The following BAZ2A variants were observed in gnomAD, a reference collection of about 807,000 sequenced individuals.
BAZ2A encodes bromodomain adjacent to zinc finger domain 2A.
A neutral mutation model predicts 199.9 loss-of-function variants in BAZ2A; 34 were observed. The observed-to-expected ratio is 0.17, with a 90% CI of 0.13 to 0.23. BAZ2A has a LOEUF of 0.23. BAZ2A is among the 10% of genes least tolerant of loss of function. BAZ2A has a pLI of 1.00. For missense variants in BAZ2A, 2,002 were observed against 2,391.1 expected (o/e 0.84, Z 3.39); for synonymous variants, 857 against 883.9 (o/e 0.97, Z 0.54).
chr12:56,623,398 G>A (rs889375913), intron 1 of BAZ2A, among the ~76,000 whole-genome samples: 3 of 152,134 alleles, frequency 2.0e-5, no homozygotes, highest in Non-Finnish European at 4.4e-5. Flanking sequence ...GCTGGATACT[G>A]CAGTGGTCCC....
In BAZ2A at chr12:56,617,630, ACT is replaced by A; in HGVS notation, c.-2-100_-2-99del. ...GGGCAATGACCCCTCCCCTCCACCT[ACT>A]TACCCTTCTCCTACCTAAGTACTGT... On this transcript the variant is annotated intron_variant, in intron 1 of 28. Coordinates refer to ENST00000549884, the MANE Select transcript of BAZ2A (RefSeq NM_001300905.2). 5 of 1,328,856 alleles carry A rather than the reference ACT, an allele frequency of 3.8e-6. No individual in the cohort carries two copies. The South Asian group carries it at 6.0e-5, about 16-fold the overall frequency. The allele number at this position is 1,328,856 out of a possible 1,614,324, so 82.3% of individuals were successfully genotyped here.
chr12:56,616,707 T>C (rs1215272761), intron 2 of BAZ2A, among the ~76,000 whole-genome samples: 1 of 152,092 alleles, frequency 6.6e-6, no homozygotes, highest in Non-Finnish European at 1.5e-5. Flanking sequence ...GAGGGAGAAG[T>C]AGCAGGATTT....
At chr12:56,620,823 T>G (rs992406895) in intron 1 of BAZ2A, among the ~76,000 whole-genome samples, 3 of 152,046 alleles carry the variant, frequency 2.0e-5, no homozygotes, top group African/African-American at 7.2e-5. Context: ...GGCCTCCCAA[T>G]GTGCTGGGAT....
At chr12:56,609,228 C>T (rs1425917359) in intron 10 of BAZ2A, among the ~76,000 whole-genome samples, 12 of 151,878 alleles carry the variant, frequency 7.9e-5, no homozygotes, top group African/African-American at 2.9e-4. Context: ...GGTTGGAATG[C>T]AATAACACAA....
At chr12:56,626,914 A>G (rs958658519) in intron 1 of BAZ2A, among the ~76,000 whole-genome samples, 69 of 152,234 alleles carry the variant, frequency 4.5e-4, no homozygotes, top group Non-Finnish European at 8.8e-5. Context: ...AATCAGGGGC[A>G]AGAAAAAGGA....
intron 7 of BAZ2A, 94 bp downstream of exon 7, chr12:56,611,479 C>G: frequency 7.7e-7 from 1 of 1,297,850 alleles, no homozygotes; most frequent in East Asian, 2.3e-5. Flanking sequence ...GCCCATTCCT[C>G]CCCCACCTCA....
At chr12:56,622,213 A>C (rs1312433349) in intron 1 of BAZ2A, among the ~76,000 whole-genome samples, 1 of 151,806 alleles carries the variant, frequency 6.6e-6, no homozygotes, top group Non-Finnish European at 1.5e-5. Flanking sequence ...GGTGGCGGGC[A>C]CCTGTAATCC....
rs1407516993 is a variant in BAZ2A, at chr12:56,598,752, C to A, written c.5578G>T (p.Ala1860Ser). ...TGGCAGTTGTCAAATACCAGGAGGG[C>A]ATCAGCCGCAAACTCCTCTGAGCTG... ...YTSSEEFAADALLVFDNCQTF... is the reference protein window; with the variant it reads ...YTSSEEFAADSLLVFDNCQTF... The change falls in exon 29 of 29, where the codon GCC (alanine) becomes TCC (serine). Residue 1860 changes from alanine (A) to serine (S), a missense_variant. Physicochemically the swap from Ala to Ser is moderately conservative, Grantham distance 99. Transcript: ENST00000549884. 6.2e-7 allele frequency: 1 copy of A among 1,612,692 alleles called. No individual in the cohort carries two copies. The highest frequency in any genetic ancestry group is 1.7e-5 in the Admixed American group (1 of 59,786).
rs745965414 is a variant in BAZ2A, at chr12:56,598,625, T to C, written c.5705A>G (p.Asn1902Ser). The change falls in exon 29 of 29, where the codon AAT (asparagine) becomes AGT (serine). Residue 1902 changes from asparagine (N) to serine (S), a missense_variant. By Grantham distance (46) the Asn-to-Ser change is conservative (BLOSUM62 1). Around this residue, in one of 6 missense-constraint regions of BAZ2A, gnomAD observed 76 missense variants for 139.3 expected, o/e 0.55. Coordinates refer to ENST00000549884, the MANE Select transcript of BAZ2A (RefSeq NM_001300905.2). ...WEEFYQGKQANL is the reference protein window; with the variant it reads ...WEEFYQGKQASL ...CTCCCCACCTCCCTTGCCTCACAGA[T>C]TGGCCTGTTTTCCCTGATAAAACTC... 1.1e-5 allele frequency: 18 copies of C among 1,613,518 alleles called. No individual in the cohort carries two copies. The highest frequency in any genetic ancestry group is 2.7e-5 in the African/African-American group (2 of 75,032).
chr12:56,620,563 C>CTTTTTTTTTTTT (rs11367195), intron 1 of BAZ2A, among the ~76,000 whole-genome samples: 4,125 of 143,406 alleles, frequency 0.029, 212 homozygotes, highest in African/African-American at 0.1. Context: ...CCAGGATTTC[C>CTTTTTTTTTTTT]TTTTTTTTTT....
rs746017529 is a variant in BAZ2A, at chr12:56,601,952, T to C, written c.3665A>G (p.Glu1222Gly). 1 of 1,568,846 alleles carries C rather than the reference T, an allele frequency of 6.4e-7. No homozygotes were observed. Among genetic ancestry groups the C allele is most frequent in the South Asian group, 1.2e-5 (1 of 86,788 alleles). The change falls in exon 20 of 29, where the codon GAG becomes GGG. Residue 1222 changes from glutamate (E) to glycine (G), a missense_variant. Physicochemically the swap from Glu to Gly is moderately conservative, Grantham distance 98. This residue lies in a region of BAZ2A where 1,081 missense variants were observed against 1,274.7 expected (regional missense o/e 0.85). Coordinates refer to ENST00000549884, the MANE Select transcript of BAZ2A (RefSeq NM_001300905.2). ...SEQPQAQLQP[E>G]AQLHAPAQPQ... ...CTGGGCAGGAGCATGAAGCTGAGCC[T>C]CAGGCTGAAGCTGGGCCTGGGGCTG...
rs768109273 is a variant in BAZ2A, at chr12:56,600,990, T to C, written c.4403A>G (p.Asn1468Ser). The change falls in exon 22 of 29, where the codon AAC becomes AGC. Residue 1468 changes from asparagine to serine, a missense_variant. By Grantham distance (46) the Asn-to-Ser change is conservative. Transcript: ENST00000549884. ...TTCCTGCAAGAAGTCCCTGTGCTTG[T>C]TAAGGTGTTTGTGAAGTGCCTTCTC... Reference protein sequence around the residue: ...IREKALHKHLNKHRDFLQEVC... With the variant: ...IREKALHKHLSKHRDFLQEVC... 8.1e-6 allele frequency: 13 copies of C among 1,612,802 alleles called. No homozygotes were observed. In the Middle Eastern group the frequency reaches 4.9e-4, roughly 61 times the overall value.
In BAZ2A at chr12:56,612,133, T is replaced by G; in HGVS notation, c.1249A>C (p.Ile417Leu). Residue 417 changes from isoleucine to leucine, a missense_variant, in exon 6 of 29, where the codon ATT becomes CTT. Around this residue, in one of 6 missense-constraint regions of BAZ2A, gnomAD observed 641 missense variants for 694.5 expected, o/e 0.92. Transcript: ENST00000549884. ...TQPAPDQSSTIQLHPATSPAV... is the reference protein window; with the variant it reads ...TQPAPDQSSTLQLHPATSPAV... ...GGTGAGGTTGCTGGATGTAGCTGAA[T>G]AGTGGATGACTGATCAGGAGCTGGC... The G allele has an allele frequency of 6.2e-7, 1 of 1,613,908 alleles. No individual in the cohort carries two copies. Among genetic ancestry groups the G allele is most frequent in the Non-Finnish European group, 8.5e-7 (1 of 1,179,862 alleles).
chr12:56,638,075 G>A (rs1951483959), upstream of BAZ2A: 1 of 419,008 alleles, frequency 2.4e-6, no homozygotes. Context: ...TTAGAGACCA[G>A]TCTTGGCAAC....
At position 56,599,771 on chromosome 12, in the gene BAZ2A, A is replaced by G; in HGVS notation, c.5103T>C (p.Ile1701=). ...CCTCCATCTTGGGACGATGGCAGTA[A>G]ATGTGGCAGCCACGGTCACACCCAT... ...LCDGCDRGCH[I]YCHRPKMEAV... is the part of the protein sequence containing the mutation. The change falls in exon 26 of 29, where the codon ATT becomes ATC. Residue 1701 remains isoleucine, a synonymous_variant. Transcript: ENST00000549884. The G allele has an allele frequency of 6.2e-7, 1 of 1,614,006 alleles. No homozygotes were observed. Among genetic ancestry groups the G allele is most frequent in the Non-Finnish European group, 8.5e-7 (1 of 1,179,882 alleles).
intron 2 of BAZ2A, among the ~76,000 whole-genome samples, chr12:56,616,448 C>G (rs1018608546): frequency 6.6e-6 from 1 of 152,148 alleles, no homozygotes; most frequent in East Asian, 1.9e-4. Context: ...GTCACCACAG[C>G]GACAAGAACC....
rs1951435653 is a variant in BAZ2A, at chr12:56,635,842, G to C, written c.4+340C>G. 6.6e-6 allele frequency among the ~76,000 whole-genome samples: 1 copy of C among 152,184 alleles called. No homozygotes were observed. Among genetic ancestry groups the C allele is most frequent in the Non-Finnish European group, 1.5e-5 (1 of 68,012 alleles). On this transcript the variant is annotated intron_variant, in intron 1 of 29. Coordinates refer to the BAZ2A transcript ENST00000379441. The surrounding 1 kb of genome is among the most constrained non-coding windows in gnomAD (Gnocchi z 4.1). ...ACTGCCAAAAGCCGGCTTTACTTTT[G>C]TGGGGGCTAGCAGTGAGTACTGTCA...
intron 1 of BAZ2A, among the ~76,000 whole-genome samples, chr12:56,620,461 A>G (rs1238848016): frequency 6.6e-6 from 1 of 152,146 alleles, no homozygotes; most frequent in East Asian, 1.9e-4. Flanking sequence ...AGATCATGCC[A>G]CTGCATTCCA....
At chr12:56,623,223 G>A (rs1044248067) in intron 1 of BAZ2A, among the ~76,000 whole-genome samples, 4 of 150,992 alleles carry the variant, frequency 2.6e-5, no homozygotes, top group Admixed American at 6.6e-5. Flanking sequence ...GCGACAGAGC[G>A]AGACTCCATC....
Sources: allele counts gnomAD v4.1 joint callset (sites outside exome capture counted in the v4.1 genomes callset), GRCh38; gene constraint gnomAD v4.1.1; regional missense constraint gnomAD v4.1.1; non-coding constraint Gnocchi (gnomAD v3.1); transcripts MANE v1.5; gene names NCBI Gene and HGNC (gene_info 2026-07-23, HGNC 2026-07-21).